The following OLA1 variants were observed in gnomAD, a reference collection of about 807,000 sequenced individuals.
OLA1 encodes the protein obg-like ATPase 1.
A neutral mutation model predicts 48.4 loss-of-function variants in OLA1; 14 were observed. The ratio of observed to expected loss-of-function variants is 0.29; its 90% CI spans 0.19 to 0.45. The LOEUF (loss-of-function observed/expected upper bound fraction) is 0.45, where lower values mean the gene tolerates loss of function less well. OLA1 is among the 20% of genes least tolerant of loss of function. The pLI, the probability that OLA1 is intolerant of heterozygous loss-of-function variation, is 1.00. For synonymous variants in OLA1, 127 were observed against 150.4 expected, an observed-to-expected ratio of 0.84 and a Z score of 1.14; for missense variants, 325 against 467.1, an observed-to-expected ratio of 0.70 and a Z score of 2.80.
chr2:174,193,763 ATTC>A (rs1687825592), intron 4 of OLA1, among the ~76,000 whole-genome samples: 1 of 152,104 alleles, frequency 6.6e-6, no homozygotes, highest in Non-Finnish European at 1.5e-5. Flanking sequence ...ATCGCTGTCT[ATTC>A]TTTTTTCCTC....
At chr2:174,135,960 C>T (rs974894532) in intron 5 of OLA1, among the ~76,000 whole-genome samples, 7 of 152,208 alleles carry the variant, frequency 4.6e-5, no homozygotes, top group African/African-American at 1.4e-4. Context: ...TATGCTTAAA[C>T]TATATTGTAG....
chr2:174,142,317 C>A (rs936684521), intron 4 of OLA1, among the ~76,000 whole-genome samples: 1 of 152,078 alleles, frequency 6.6e-6, no homozygotes, highest in East Asian at 1.9e-4. Context: ...GAATTCCAGG[C>A]ATGAAAGATT....
At chr2:174,077,948 C>A (rs57279693) in intron 10 of OLA1, among the ~76,000 whole-genome samples, 1 of 151,872 alleles carries the variant, frequency 6.6e-6, no homozygotes, top group Non-Finnish European at 1.5e-5. Flanking sequence ...TATACAGATG[C>A]CACCATCAAA....
chr2:174,161,783 G>A (rs1430973946), intron 4 of OLA1, among the ~76,000 whole-genome samples: 1 of 151,304 alleles, frequency 6.6e-6, no homozygotes, highest in African/African-American at 2.4e-5. Context: ...AAACAAAGTA[G>A]TCGAAAAAAT....
chr2:174,186,795 G>A (rs1283032071), intron 4 of OLA1, among the ~76,000 whole-genome samples: 1 of 152,164 alleles, frequency 6.6e-6, no homozygotes, highest in Admixed American at 6.5e-5. Context: ...TTTATCTATA[G>A]CACAGAAAGA....
chr2:174,090,949 C>A (rs1469506206), intron 7 of OLA1, among the ~76,000 whole-genome samples: 1 of 152,216 alleles, frequency 6.6e-6, no homozygotes, highest in African/African-American at 2.4e-5. Context: ...AGAGCTATCA[C>A]CACATTCCAC....
chr2:174,111,669 ACATCCATTT>A, intron 7 of OLA1, among the ~76,000 whole-genome samples: 1 of 152,098 alleles, frequency 6.6e-6, no homozygotes, highest in East Asian at 1.9e-4. Flanking sequence ...ATTATACAAA[ACATCCATTT>A]GTATTTCAGC....
intron 2 of OLA1, among the ~76,000 whole-genome samples, chr2:174,240,672 C>T (rs528340761): frequency 1.2e-4 from 18 of 152,094 alleles, no homozygotes; most frequent in Admixed American, 9.8e-4. Flanking sequence ...TCCATAGATA[C>T]CTGTCTTCTC....
intron 3 of OLA1, among the ~76,000 whole-genome samples, chr2:174,226,577 G>T (rs1479477861): frequency 1.3e-5 from 2 of 151,550 alleles, no homozygotes; most frequent in Non-Finnish European, 2.9e-5. Flanking sequence ...TTGGCTCACT[G>T]CAACCTCTGC....
At chr2:174,156,265 C>T (rs1034063832) in intron 4 of OLA1, among the ~76,000 whole-genome samples, 1 of 152,144 alleles carries the variant, frequency 6.6e-6, no homozygotes, top group Admixed American at 6.5e-5. Flanking sequence ...TTAATGGCAC[C>T]CCCTGGCCTC....
chr2:174,213,718 T>C (rs1427059332), intron 4 of OLA1, among the ~76,000 whole-genome samples: 3 of 152,186 alleles, frequency 2.0e-5, no homozygotes, highest in South Asian at 2.1e-4. Context: ...TATAAAATGA[T>C]TGCTGTTTCC....
intron 4 of OLA1, among the ~76,000 whole-genome samples, chr2:174,214,403 G>T (rs561952387): frequency 6.6e-6 from 1 of 152,168 alleles, no homozygotes; most frequent in Non-Finnish European, 1.5e-5. Flanking sequence ...ATAATTGTAA[G>T]TTGCACTTAG....
chr2:174,204,810 C>T (rs757350073), intron 4 of OLA1, among the ~76,000 whole-genome samples: 9 of 151,984 alleles, frequency 5.9e-5, no homozygotes, highest in East Asian at 1.9e-4. Flanking sequence ...ATCTTGATTC[C>T]GCCACTTAGC....
intron 7 of OLA1, among the ~76,000 whole-genome samples, chr2:174,086,463 C>T (rs1473948445): frequency 2.0e-5 from 3 of 152,180 alleles, no homozygotes; most frequent in Non-Finnish European, 4.4e-5. Flanking sequence ...TCGGACAGTA[C>T]CAAACCCTAT....
chr2:174,181,520 G>C (rs1473549186), intron 4 of OLA1, among the ~76,000 whole-genome samples: 2 of 152,190 alleles, frequency 1.3e-5, no homozygotes. Context: ...CAGGATCATA[G>C]TCCTATATGA....
intron 4 of OLA1, among the ~76,000 whole-genome samples, chr2:174,164,348 A>AATACCATTCTGCATAGTGCAGAATTG (rs1687109069): frequency 8.1e-6 from 1 of 124,042 alleles, no homozygotes; most frequent in African/African-American, 3.8e-5. Flanking sequence ...GGCACTACGC[A>AATACCATTCTGCATAGTGCAGAATTG]ATACCATTCT....
intron 4 of OLA1, among the ~76,000 whole-genome samples, chr2:174,198,041 G>A (rs934002863): frequency 2.4e-4 from 37 of 152,292 alleles, no homozygotes; most frequent in African/African-American, 7.9e-4. Context: ...TCGGCTCACT[G>A]CAATCTCTGC....
intron 4 of OLA1, among the ~76,000 whole-genome samples, chr2:174,187,175 C>T (rs985108340): frequency 6.6e-6 from 1 of 152,146 alleles, no homozygotes; most frequent in East Asian, 1.9e-4. Flanking sequence ...GGTAATAAAG[C>T]ATCTGCTGAT....
At chr2:174,169,959 C>T (rs1458707800) in intron 4 of OLA1, among the ~76,000 whole-genome samples, 1 of 152,044 alleles carries the variant, frequency 6.6e-6, no homozygotes, top group Non-Finnish European at 1.5e-5. Context: ...ACAACTATGG[C>T]ATAAAAGACA....
Sources: allele counts gnomAD v4.1 joint callset (sites outside exome capture counted in the v4.1 genomes callset), GRCh38; gene constraint gnomAD v4.1.1; transcripts MANE v1.5; gene names NCBI Gene and HGNC (gene_info 2026-07-23, HGNC 2026-07-21).